The following DRC11 variants were observed in gnomAD, a reference collection of about 807,000 sequenced individuals.
The protein encoded by DRC11 is IQ and AAA domain-containing protein 1.
the DRC11 span, among the ~76,000 whole-genome samples, chr2:236,482,765 A>G: frequency 5.4e-3 from 820 of 152,310 alleles, 8 homozygotes; most frequent in Middle Eastern, 0.01. This position sits in a 1 kb window ranked among gnomAD's most constrained non-coding sequence, Gnocchi z 4.5. Context: ...TTAAAGATTC[A>G]ATGAAATTAC....
the DRC11 span, among the ~76,000 whole-genome samples, chr2:236,357,471 C>T: frequency 0.18 from 21,811 of 124,106 alleles, 2,146 homozygotes; most frequent in Non-Finnish European, 0.22. Flanking sequence ...TTACATATTA[C>T]ATGTATATTT....
At chr2:236,472,754 CAGA>C in the DRC11 span, among the ~76,000 whole-genome samples, 2 of 152,196 alleles carry the variant, frequency 1.3e-5, no homozygotes, top group Admixed American at 6.5e-5. This position sits in a 1 kb window ranked among gnomAD's most constrained non-coding sequence, Gnocchi z 4.6. Context: ...CCAGCCCCTA[CAGA>C]AGAAGAAACT....
chr2:236,344,704 C>A, the DRC11 span: 1 of 1,272,090 alleles, frequency 7.9e-7, no homozygotes, highest in Admixed American at 1.9e-5. Context: ...TGTGCAGAGC[C>A]CTGGTTGTAA....
At chr2:236,486,682 G>A in the DRC11 span, 1 of 631,394 alleles carries the variant, frequency 1.6e-6, no homozygotes, top group East Asian at 2.8e-5. The surrounding 1 kb of genome is among the most constrained non-coding windows in gnomAD (Gnocchi z 5.7). Context: ...TCCCTGGGCA[G>A]GCTTCTGTAC....
At chr2:236,422,155 G>A in the DRC11 span, among the ~76,000 whole-genome samples, 5 of 152,194 alleles carry the variant, frequency 3.3e-5, no homozygotes, top group Admixed American at 2.0e-4. Context: ...ACAAGACAGG[G>A]ATGCCCTCTC....
the DRC11 span, among the ~76,000 whole-genome samples, chr2:236,318,413 G>A: frequency 3.3e-5 from 5 of 152,144 alleles, no homozygotes. This position sits in a 1 kb window ranked among gnomAD's most constrained non-coding sequence, Gnocchi z 7.0. Flanking sequence ...CTGCACGCAT[G>A]CCTACGTGTG....
chr2:236,403,448 C>G, the DRC11 span, among the ~76,000 whole-genome samples: 1 of 151,572 alleles, frequency 6.6e-6, no homozygotes, highest in Non-Finnish European at 1.5e-5. Context: ...AGCAGGGCAG[C>G]TACCCAGGAG....
At chr2:236,455,536 C>T in the DRC11 span, among the ~76,000 whole-genome samples, 6 of 152,270 alleles carry the variant, frequency 3.9e-5, no homozygotes, top group African/African-American at 1.2e-4. This position sits in a 1 kb window ranked among gnomAD's most constrained non-coding sequence, Gnocchi z 5.7. Context: ...AACGTGAAGA[C>T]GCGACATTCT....
At chr2:236,495,039 G>A in the DRC11 span, among the ~76,000 whole-genome samples, 6 of 152,140 alleles carry the variant, frequency 3.9e-5, no homozygotes, top group Non-Finnish European at 7.4e-5. This position sits in a 1 kb window ranked among gnomAD's most constrained non-coding sequence, Gnocchi z 5.6. Flanking sequence ...GGTCCATTTG[G>A]TACCACAAAA....
At chr2:236,370,950 T>C in the DRC11 span, among the ~76,000 whole-genome samples, 1 of 152,104 alleles carries the variant, frequency 6.6e-6, no homozygotes. The surrounding 1 kb of genome is among the most constrained non-coding windows in gnomAD (Gnocchi z 5.5). Context: ...TAATGACTGT[T>C]GAGATTCTAA....
chr2:236,473,953 T>C, the DRC11 span, among the ~76,000 whole-genome samples: 1 of 152,172 alleles, frequency 6.6e-6, no homozygotes, highest in African/African-American at 2.4e-5. The surrounding 1 kb of genome is among the most constrained non-coding windows in gnomAD (Gnocchi z 4.8). Context: ...AAGTCAATGA[T>C]TTCTACATTG....
At chr2:236,460,211 G>T in the DRC11 span, among the ~76,000 whole-genome samples, 5 of 152,178 alleles carry the variant, frequency 3.3e-5, no homozygotes, top group Admixed American at 6.5e-5. This position sits in a 1 kb window ranked among gnomAD's most constrained non-coding sequence, Gnocchi z 4.0. Context: ...TCTTTGTGAA[G>T]TCTGCACAGC....
chr2:236,317,414 C>G, the DRC11 span, among the ~76,000 whole-genome samples: 1 of 152,150 alleles, frequency 6.6e-6, no homozygotes. This position sits in a 1 kb window ranked among gnomAD's most constrained non-coding sequence, Gnocchi z 5.4. Context: ...GCCTGCAAGG[C>G]TGCAGGAGTC....
At chr2:236,333,119 G>A in the DRC11 span, 1 of 152,236 alleles carries the variant, frequency 6.6e-6, no homozygotes, top group Non-Finnish European at 1.5e-5. The surrounding 1 kb of genome is among the most constrained non-coding windows in gnomAD (Gnocchi z 6.0). Flanking sequence ...AAAGCGCTTG[G>A]AAGTGCAGCA....
the DRC11 span, among the ~76,000 whole-genome samples, chr2:236,471,798 T>G: frequency 1.3e-5 from 2 of 152,188 alleles, no homozygotes; most frequent in Non-Finnish European, 2.9e-5. The surrounding 1 kb of genome is among the most constrained non-coding windows in gnomAD (Gnocchi z 4.6). Context: ...CCCAGGCAGG[T>G]TGGCTCCAGG....
the DRC11 span, among the ~76,000 whole-genome samples, chr2:236,495,968 G>A: frequency 6.6e-6 from 1 of 152,166 alleles, no homozygotes; most frequent in Admixed American, 6.5e-5. The surrounding 1 kb of genome is among the most constrained non-coding windows in gnomAD (Gnocchi z 5.6). Flanking sequence ...GCAAGGCCGT[G>A]GAGTAGCCGC....
the DRC11 span, among the ~76,000 whole-genome samples, chr2:236,466,327 C>T: frequency 3.3e-5 from 5 of 152,096 alleles, no homozygotes; most frequent in African/African-American, 9.7e-5. Context: ...CACAACCTCT[C>T]GTTTTATAAT....
the DRC11 span, among the ~76,000 whole-genome samples, chr2:236,346,474 C>T: frequency 6.1e-4 from 93 of 152,338 alleles, 2 homozygotes; most frequent in African/African-American, 2.1e-3. Context: ...AGAAGCAGGA[C>T]TGGAGGCCAG....
chr2:236,337,675 C>T, the DRC11 span, among the ~76,000 whole-genome samples: 1 of 152,100 alleles, frequency 6.6e-6, no homozygotes, highest in Non-Finnish European at 1.5e-5. The surrounding 1 kb of genome is among the most constrained non-coding windows in gnomAD (Gnocchi z 4.9). Flanking sequence ...TTGTGTCATT[C>T]CCATTAAAAA....
Sources: gnomAD v4.1 joint callset for allele counts (sites outside exome capture counted in the v4.1 genomes callset) on GRCh38, gnomAD v4.1.1 for gene constraint, Gnocchi (gnomAD v3.1) non-coding constraint, MANE v1.5 for transcripts, NCBI Gene and HGNC (gene_info 2026-07-23, HGNC 2026-07-21) for gene names.